ACBD6: variants seen among roughly 807,000 people sequenced by gnomAD.
ACBD6 encodes acyl-CoA-binding domain-containing protein 6.
ACBD6 carries 28 observed loss-of-function variants against 37.2 expected under a neutral mutation model. The observed-to-expected ratio is 0.75, with a 90% CI of 0.56 to 1.03. The LOEUF is 1.03. Ranked by LOEUF, ACBD6 falls within the 50% of genes least tolerant of loss-of-function variation. The probability of loss-of-function intolerance (pLI) is 0.00; values close to 1 mark genes in which losing one functional copy is unlikely to be tolerated. For missense variants in ACBD6, 340 were observed against 337.4 expected, an observed-to-expected ratio of 1.01 and a Z score of -0.06; for synonymous variants, 113 against 126.8, an observed-to-expected ratio of 0.89 and a Z score of 0.73.
intron 6 of ACBD6, among the ~76,000 whole-genome samples, chr1:180,394,426 G>A (rs1476446900): frequency 6.6e-6 from 1 of 151,710 alleles, no homozygotes; most frequent in East Asian, 1.9e-4. Context: ...TAATTTAGTG[G>A]TAATAGTGGT....
chr1:180,402,494 A>G (rs963729407), intron 5 of ACBD6, among the ~76,000 whole-genome samples: 1 of 152,174 alleles, frequency 6.6e-6, no homozygotes, highest in Admixed American at 6.5e-5. Context: ...CTTATTTGTC[A>G]GGAAATTGAG....
At chr1:180,402,755 G>A (rs945293527) in intron 5 of ACBD6, among the ~76,000 whole-genome samples, 2 of 150,634 alleles carry the variant, frequency 1.3e-5, no homozygotes, top group Non-Finnish European at 2.9e-5. Context: ...CGTGATCGAC[G>A]TCACTGTACT....
intron 1 of ACBD6, among the ~76,000 whole-genome samples, chr1:180,499,639 T>C (rs1316397719): frequency 6.6e-6 from 1 of 152,226 alleles, no homozygotes; most frequent in Non-Finnish European, 1.5e-5. Flanking sequence ...ATTAGTCTCA[T>C]ACTGCCCAGA....
chr1:180,400,446 G>A (rs1302050102), intron 5 of ACBD6, among the ~76,000 whole-genome samples: 1 of 152,160 alleles, frequency 6.6e-6, no homozygotes, highest in South Asian at 2.1e-4. Flanking sequence ...ATGACTTTCT[G>A]TAGAAGCACT....
chr1:180,479,626 C>T (rs1325045130), intron 3 of ACBD6, among the ~76,000 whole-genome samples: 1 of 151,934 alleles, frequency 6.6e-6, no homozygotes, highest in Non-Finnish European at 1.5e-5. Flanking sequence ...GTACAGATAC[C>T]CGAAATGCCC....
chr1:180,319,133 G>A (rs190607397), intron 6 of ACBD6, among the ~76,000 whole-genome samples: 1 of 152,066 alleles, frequency 6.6e-6, no homozygotes, highest in African/African-American at 2.4e-5. Flanking sequence ...CCTCAAGTAC[G>A]GTTAGGTGCT....
At chr1:180,498,445 A>C (rs2102103360) in intron 1 of ACBD6, among the ~76,000 whole-genome samples, 1 of 152,372 alleles carries the variant, frequency 6.6e-6, no homozygotes, top group African/African-American at 2.4e-5. Flanking sequence ...CTCAGAAATT[A>C]CACAAGTGCT....
At chr1:180,278,724 T>G (rs1649194340) in intron 9 of ACBD6, 2 of 151,398 alleles carry the variant, frequency 1.3e-5, no homozygotes, top group South Asian at 4.2e-4. Flanking sequence ...CAATCAGACC[T>G]CAAAGCCCCA....
At chr1:180,435,913 G>A in intron 3 of ACBD6, 1 of 1,385,736 alleles carries the variant, frequency 7.2e-7, no homozygotes, top group Admixed American at 1.7e-5. Flanking sequence ...GTGGCCACAA[G>A]CTTGGTTTAG....
At chr1:180,404,897 T>C (rs986311048) in intron 5 of ACBD6, among the ~76,000 whole-genome samples, 7 of 152,214 alleles carry the variant, frequency 4.6e-5, no homozygotes, top group African/African-American at 9.6e-5. Flanking sequence ...CTTTCACTAT[T>C]TTCTGATTTT....
intron 6 of ACBD6, among the ~76,000 whole-genome samples, chr1:180,382,216 A>C (rs960649439): frequency 5.9e-5 from 9 of 152,016 alleles, no homozygotes. Flanking sequence ...AAGAGACTAA[A>C]AAACAAACAA....
exon 13 of ACBD6, chr1:180,272,627 C>T (rs1648738694): frequency 6.6e-6 from 1 of 152,408 alleles, no homozygotes; most frequent in South Asian, 2.1e-4. Flanking sequence ...TGTTATGAAT[C>T]CTCAGGTTGT....
intron 6 of ACBD6, among the ~76,000 whole-genome samples, chr1:180,395,500 A>C (rs1313288893): frequency 6.6e-6 from 1 of 152,122 alleles, no homozygotes; most frequent in African/African-American, 2.4e-5. Flanking sequence ...CTTTTTCCAG[A>C]ACCTAAGTGT....
At chr1:180,389,162 C>A (rs537150722) in intron 6 of ACBD6, among the ~76,000 whole-genome samples, 1 of 152,154 alleles carries the variant, frequency 6.6e-6, no homozygotes, top group Non-Finnish European at 1.5e-5. Context: ...CGCTCCCCCG[C>A]CCACAACAGG....
chr1:180,435,434 T>A lies in ACBD6; in HGVS notation c.385-5172A>T, dbSNP rs1355659639. The A allele has an allele frequency of 1.0e-5, 4 of 386,166 alleles. No homozygotes were observed. The Admixed American group carries it at 1.2e-4, about 11-fold the overall frequency. The allele number at this position is 386,166 out of a possible 1,614,324, so 23.9% of individuals were successfully genotyped here. A position where few individuals can be genotyped will look rare whatever the true frequency, so the allele number is the denominator to read the frequency against. ...TGGCTAATTTTTTTTTTTTTTTTTT[T>A]AGTAGAGACGGGGTTTCACCGTTAG... On this transcript the variant is annotated intron_variant, in intron 3 of 7. Coordinates refer to ENST00000367595, the MANE Select transcript of ACBD6 (RefSeq NM_032360.4).
At chr1:180,290,353 G>A (rs974692473) in intron 7 of ACBD6, among the ~76,000 whole-genome samples, 1 of 152,034 alleles carries the variant, frequency 6.6e-6, no homozygotes, top group Non-Finnish European at 1.5e-5. Context: ...TACCATGCTT[G>A]GCTCTCACTT....
chr1:180,274,794 A>C (rs1648926304), exon 10 of ACBD6: 3 of 571,140 alleles, frequency 5.3e-6, no homozygotes. Flanking sequence ...CTCAGAACAC[A>C]GCACAGGGGG....
intron 1 of ACBD6, among the ~76,000 whole-genome samples, chr1:180,497,904 T>C (rs984865642): frequency 2.7e-4 from 41 of 152,214 alleles, no homozygotes; most frequent in African/African-American, 9.6e-4. Context: ...TCTTCTTTGA[T>C]ACTATGCCAA....
At chr1:180,322,813 G>C (rs1008107773) in intron 6 of ACBD6, among the ~76,000 whole-genome samples, 3 of 149,532 alleles carry the variant, frequency 2.0e-5, no homozygotes, top group Admixed American at 6.6e-5. Flanking sequence ...TTTTCATTTT[G>C]ATGACTGTAT....
Sources: allele counts gnomAD v4.1 joint callset (sites outside exome capture counted in the v4.1 genomes callset), GRCh38; gene constraint gnomAD v4.1.1; transcripts MANE v1.5; gene names NCBI Gene and HGNC (gene_info 2026-07-23, HGNC 2026-07-21).